SEMA3C: variants seen among roughly 807,000 people sequenced by gnomAD.
SEMA3C encodes the protein semaphorin 3C.
A neutral mutation model predicts 89.4 loss-of-function variants in SEMA3C; 47 were observed. That is an observed-to-expected ratio of 0.53 (90% CI 0.42 to 0.67). SEMA3C has a LOEUF of 0.67. SEMA3C is among the 30% of genes least tolerant of loss of function. The probability of loss-of-function intolerance (pLI) is 0.00; values close to 1 mark genes in which losing one functional copy is unlikely to be tolerated. For synonymous variants in SEMA3C, 310 were observed against 320.2 expected (o/e 0.97, Z 0.34); for missense variants, 839 against 929.1 (o/e 0.90, Z 1.26).
At chr7:80,902,834 C>G (rs943075257) in intron 2 of SEMA3C, among the ~76,000 whole-genome samples, 3 of 152,094 alleles carry the variant, frequency 2.0e-5, no homozygotes, top group Non-Finnish European at 2.9e-5. Context: ...GTTGAGTATA[C>G]CAAAACAGAA....
chr7:80,821,130 T>C (rs1041429562), intron 4 of SEMA3C, among the ~76,000 whole-genome samples: 7 of 152,238 alleles, frequency 4.6e-5, no homozygotes, highest in African/African-American at 1.7e-4. Context: ...TCATATTGTA[T>C]ATTTTACCTT....
At chr7:80,808,702 T>C (rs1012821139) in intron 6 of SEMA3C, among the ~76,000 whole-genome samples, 2 of 152,084 alleles carry the variant, frequency 1.3e-5, no homozygotes, top group African/African-American at 4.8e-5. Context: ...TGGCAATACA[T>C]TAAAAAAAAG....
At chr7:80,847,104 G>C (rs1297496737) in intron 2 of SEMA3C, among the ~76,000 whole-genome samples, 1 of 152,170 alleles carries the variant, frequency 6.6e-6, no homozygotes, top group African/African-American at 2.4e-5. Flanking sequence ...TAGAGAGACT[G>C]GAAGGCTGTG....
rs71520704 is a variant in SEMA3C at position 80,750,435 on chromosome 7, CATATATATATATATATATATATAT to C, written c.1711+810_1711+833del. 4.0e-3 allele frequency among the ~76,000 whole-genome samples: 285 copies of C among 71,058 alleles called. 1 individual carries two copies. Among genetic ancestry groups the C allele is most frequent in the East Asian group, 9.3e-3 (28 of 3,022 alleles). The allele number at this position is 71,058 out of a possible 152,430, so 46.6% of individuals were successfully genotyped here. A position where few individuals can be genotyped will look rare whatever the true frequency, so the allele number is the denominator to read the frequency against. ...TATGGCTTACCTACATACATACGTA[CATATATATATATATATATATATAT>C]ATATATATATATATACACACACACA... On this transcript the variant is annotated intron_variant, in intron 16 of 17. Transcript: ENST00000265361.
At chr7:80,904,766 A>G (rs1791966208) in intron 2 of SEMA3C, among the ~76,000 whole-genome samples, 1 of 152,196 alleles carries the variant, frequency 6.6e-6, no homozygotes. Flanking sequence ...TCACCTGGAC[A>G]GTTTTACAAC....
intron 2 of SEMA3C, among the ~76,000 whole-genome samples, chr7:80,894,954 T>C (rs892477817): frequency 3.3e-5 from 5 of 152,136 alleles, no homozygotes; most frequent in African/African-American, 4.8e-5. Flanking sequence ...AGCTGTAATA[T>C]AAGGGGCCAG....
At chr7:80,759,889 A>G (rs1031667540) in intron 14 of SEMA3C, among the ~76,000 whole-genome samples, 38 of 152,214 alleles carry the variant, frequency 2.5e-4, no homozygotes, top group Non-Finnish European at 5.3e-4. Context: ...AGTAAATAAT[A>G]CAGCAAATTT....
At chr7:80,891,305 A>G (rs1435301839) in intron 2 of SEMA3C, among the ~76,000 whole-genome samples, 2 of 152,152 alleles carry the variant, frequency 1.3e-5, no homozygotes, top group Non-Finnish European at 2.9e-5. Context: ...ACATAGGTCC[A>G]TCCTCACTTT....
chr7:80,889,254 T>C (rs1562925055), intron 2 of SEMA3C, among the ~76,000 whole-genome samples: 1 of 152,232 alleles, frequency 6.6e-6, no homozygotes, highest in African/African-American at 2.4e-5. Flanking sequence ...GTTATTATTA[T>C]ATTCTTTTAG....
intron 6 of SEMA3C, among the ~76,000 whole-genome samples, chr7:80,807,454 G>A (rs546801051): frequency 6.6e-6 from 1 of 152,244 alleles, no homozygotes; most frequent in South Asian, 2.1e-4. Flanking sequence ...AGCAAGTAAG[G>A]AACTTTCTGC....
chr7:80,841,306 T>A (rs1347787820), intron 2 of SEMA3C, among the ~76,000 whole-genome samples: 1 of 152,144 alleles, frequency 6.6e-6, no homozygotes, highest in Admixed American at 6.6e-5. Context: ...CTTAAACTAT[T>A]GTGTGCCTGC....
intron 2 of SEMA3C, among the ~76,000 whole-genome samples, chr7:80,846,806 G>A (rs1382675391): frequency 6.6e-6 from 1 of 152,094 alleles, no homozygotes; most frequent in East Asian, 1.9e-4. Context: ...GCACTATGAC[G>A]TGCATACACT....
intron 14 of SEMA3C, among the ~76,000 whole-genome samples, chr7:80,759,142 A>G (rs1788130495): frequency 1.3e-5 from 2 of 152,048 alleles, no homozygotes; most frequent in Admixed American, 6.6e-5. Flanking sequence ...TCCTCCTTCA[A>G]TTGTAGGATG....
intron 12 of SEMA3C, among the ~76,000 whole-genome samples, chr7:80,775,544 T>C (rs935725346): frequency 6.6e-6 from 1 of 152,178 alleles, no homozygotes; most frequent in Admixed American, 6.5e-5. Context: ...GCAGGCCCAT[T>C]ATCTTTTATC....
intron 2 of SEMA3C, among the ~76,000 whole-genome samples, chr7:80,846,882 T>C (rs181943336): frequency 1.3e-5 from 2 of 152,318 alleles, no homozygotes; most frequent in East Asian, 1.9e-4. Context: ...TGATCAATTA[T>C]AGCTGAAGAG....
chr7:80,772,731 C>T (rs896335855), intron 12 of SEMA3C, among the ~76,000 whole-genome samples: 27 of 151,184 alleles, frequency 1.8e-4, no homozygotes, highest in African/African-American at 6.6e-4. Flanking sequence ...TTTTTTCCTG[C>T]AGAGCCTTTC....
At chr7:80,896,774 C>T (rs1791747925) in intron 2 of SEMA3C, among the ~76,000 whole-genome samples, 1 of 152,172 alleles carries the variant, frequency 6.6e-6, no homozygotes, top group Non-Finnish European at 1.5e-5. Flanking sequence ...ATCCTAACTT[C>T]TCTTCTTTCT....
At chr7:80,869,404 T>C (rs547376539) in intron 2 of SEMA3C, among the ~76,000 whole-genome samples, 2 of 152,314 alleles carry the variant, frequency 1.3e-5, no homozygotes, top group African/African-American at 4.8e-5. Flanking sequence ...ATTTGCTGTG[T>C]GCCCTTTAAT....
intron 2 of SEMA3C, among the ~76,000 whole-genome samples, chr7:80,838,534 G>T (rs188158169): frequency 2.0e-5 from 3 of 152,174 alleles, no homozygotes; most frequent in Non-Finnish European, 4.4e-5. Context: ...CTAGAAAAAT[G>T]AAGCTAAACC....
Sources: allele counts gnomAD v4.1 joint callset (sites outside exome capture counted in the v4.1 genomes callset), GRCh38; gene constraint gnomAD v4.1.1; transcripts MANE v1.5; gene names NCBI Gene and HGNC (gene_info 2026-07-23, HGNC 2026-07-21).